LIPI: variants seen among roughly 807,000 people sequenced by gnomAD.
The protein encoded by LIPI is lipase member I.
In LIPI, 59 loss-of-function variants were observed where a neutral mutation model predicts 50.6. That is an observed-to-expected ratio of 1.16 (90% CI 0.94 to 1.45). The LOEUF is 1.45. Ranked by LOEUF, LIPI falls within the 40% of genes most tolerant of loss-of-function variation. The probability of loss-of-function intolerance (pLI) is 0.00; values close to 1 mark genes in which losing one functional copy is unlikely to be tolerated. For synonymous variants in LIPI, 203 were observed against 178.2 expected, an observed-to-expected ratio of 1.14 and a Z score of -1.11; for missense variants, 586 against 536.3, an observed-to-expected ratio of 1.09 and a Z score of -0.92.
intron 4 of LIPI, among the ~76,000 whole-genome samples, 155 bp downstream of exon 4, chr21:14,181,603 A>G (rs980073562): frequency 1.6e-4 from 25 of 152,166 alleles, no homozygotes; most frequent in African/African-American, 6.0e-4. Context: ...CACTAACCCT[A>G]AGAAATATTG....
chr21:14,157,080 G>C (rs1488775519), intron 7 of LIPI, among the ~76,000 whole-genome samples: 2 of 151,874 alleles, frequency 1.3e-5, no homozygotes, highest in African/African-American at 2.4e-5. Flanking sequence ...ATTTAACCAA[G>C]GGGATTTATA....
intron 9 of LIPI, among the ~76,000 whole-genome samples, chr21:14,111,732 T>G (rs967282722): frequency 6.6e-6 from 1 of 152,278 alleles, no homozygotes; most frequent in Non-Finnish European, 1.5e-5. Flanking sequence ...AGCCTTAGAT[T>G]TTAGTCTTTA....
At chr21:14,177,458 T>G (rs1388477751) in intron 4 of LIPI, among the ~76,000 whole-genome samples, 1 of 152,032 alleles carries the variant, frequency 6.6e-6, no homozygotes, top group African/African-American at 2.4e-5. Flanking sequence ...TTTTACTATC[T>G]TATTATCTAC....
At chr21:14,146,668 T>A (rs1403477287) in intron 8 of LIPI, among the ~76,000 whole-genome samples, 1 of 152,038 alleles carries the variant, frequency 6.6e-6, no homozygotes, top group Non-Finnish European at 1.5e-5. Flanking sequence ...ATGTGCCCAG[T>A]GAATAAAATA....
intron 1 of LIPI, among the ~76,000 whole-genome samples, chr21:14,201,250 A>T (rs1229162559): frequency 6.6e-6 from 1 of 152,144 alleles, no homozygotes; most frequent in Non-Finnish European, 1.5e-5. Context: ...CTAAAACAAA[A>T]ATTAACAAGT....
intron 1 of LIPI, among the ~76,000 whole-genome samples, chr21:14,202,817 G>C (rs935597686): frequency 6.8e-4 from 103 of 152,010 alleles, no homozygotes; most frequent in African/African-American, 2.3e-3. Context: ...GGCAACAAAA[G>C]CCAAAACTGA....
intron 4 of LIPI, among the ~76,000 whole-genome samples, chr21:14,174,647 G>A (rs765624849): frequency 1.5e-4 from 23 of 152,138 alleles, no homozygotes; most frequent in African/African-American, 5.1e-4. Context: ...TCTGCCTACC[G>A]GGTTTAAGCA....
chr21:14,166,714 G>C (rs985509233), intron 4 of LIPI, among the ~76,000 whole-genome samples: 1 of 152,130 alleles, frequency 6.6e-6, no homozygotes, highest in Non-Finnish European at 1.5e-5. Flanking sequence ...AGTGAAAAAA[G>C]AAATAGAGAG....
intron 1 of LIPI, among the ~76,000 whole-genome samples, chr21:14,195,097 G>C (rs1463632656): frequency 1.3e-5 from 2 of 152,094 alleles, no homozygotes; most frequent in African/African-American, 4.8e-5. Flanking sequence ...TCAGAGTATA[G>C]CAGTCTTGTC....
At chr21:14,161,617 TA>T (rs1215352324) in intron 7 of LIPI, among the ~76,000 whole-genome samples, 4 of 113,180 alleles carry the variant, frequency 3.5e-5, no homozygotes, top group African/African-American at 7.1e-5. Flanking sequence ...ATAATATACA[TA>T]TATAATATAT....
At position 14,126,475 on chromosome 21, in the gene LIPI, T is replaced by G. The variant is rs183078264; in HGVS notation, c.1296-17395A>C. Among the ~76,000 whole-genome samples, 3 of 152,196 alleles carry G rather than the reference T, an allele frequency of 2.0e-5. No homozygotes were observed. In the South Asian group the frequency reaches 6.2e-4, roughly 32 times the overall value. On this transcript the variant is annotated intron_variant, in intron 9 of 9. Coordinates refer to ENST00000681601, the MANE Select transcript of LIPI (RefSeq NM_001302998.2). ...CATGCTACACAGTCAACCCTCTGTA[T>G]CTATGGATTCTACATCCATGGATTC... is the stretch of plus-strand genomic sequence containing the variant.
At chr21:14,163,743 T>C (rs933135711) in intron 6 of LIPI, among the ~76,000 whole-genome samples, 16 of 152,004 alleles carry the variant, frequency 1.1e-4, no homozygotes, top group Non-Finnish European at 1.0e-4. Flanking sequence ...ATCTGCTCCC[T>C]GAAAATCTTA....
intron 1 of LIPI, among the ~76,000 whole-genome samples, chr21:14,195,759 A>G (rs2019822705): frequency 6.6e-6 from 1 of 152,182 alleles, no homozygotes; most frequent in Non-Finnish European, 1.5e-5. Context: ...TATATGTATT[A>G]TAATAAGAAA....
At chr21:14,145,723 T>A (rs1410077873) in intron 8 of LIPI, among the ~76,000 whole-genome samples, 1 of 152,060 alleles carries the variant, frequency 6.6e-6, no homozygotes, top group African/African-American at 2.4e-5. Flanking sequence ...AAAAGTTTTT[T>A]AAAAAATCAG....
intron 7 of LIPI, among the ~76,000 whole-genome samples, chr21:14,156,364 A>G (rs1167843825): frequency 6.6e-6 from 1 of 151,894 alleles, no homozygotes; most frequent in Admixed American, 6.6e-5. Flanking sequence ...TCGTGCAGAA[A>G]AAGGGTCAAA....
chr21:14,111,777 G>T (rs1324672934), intron 9 of LIPI, among the ~76,000 whole-genome samples: 1 of 152,018 alleles, frequency 6.6e-6, no homozygotes, highest in East Asian at 1.9e-4. Context: ...TATAAGGTGT[G>T]ACATAAAGGT....
intron 1 of LIPI, among the ~76,000 whole-genome samples, chr21:14,196,170 A>AC (rs376627630): frequency 0.014 from 1,118 of 78,304 alleles, 30 homozygotes; most frequent in African/African-American, 0.029. Context: ...AAAAAAAACA[A>AC]AACAAGAAGT....
At chr21:14,194,552 C>A (rs1269848201) in intron 1 of LIPI, among the ~76,000 whole-genome samples, 2 of 151,870 alleles carry the variant, frequency 1.3e-5, no homozygotes, top group Non-Finnish European at 2.9e-5. Context: ...CATAAAAGGA[C>A]AAATACCATA....
At chr21:14,171,623 C>T (rs1463677064) in intron 4 of LIPI, among the ~76,000 whole-genome samples, 2 of 150,536 alleles carry the variant, frequency 1.3e-5, no homozygotes, top group South Asian at 2.1e-4. Flanking sequence ...GGAAAGGATT[C>T]CCTATTTAAT....
Sources: allele counts gnomAD v4.1 joint callset (sites outside exome capture counted in the v4.1 genomes callset), GRCh38; gene constraint gnomAD v4.1.1; transcripts MANE v1.5; gene names NCBI Gene and HGNC (gene_info 2026-07-23, HGNC 2026-07-21).